VPS35L: variants seen among roughly 807,000 people sequenced by gnomAD.
VPS35L encodes the protein VPS35 endosomal protein sorting factor like.
Under a neutral mutation model 133.0 loss-of-function variants are expected in VPS35L, and 83 were observed. The ratio of observed to expected loss-of-function variants is 0.62; its 90% CI spans 0.52 to 0.75. VPS35L has a LOEUF of 0.75. Among genes scored for constraint, VPS35L ranks in the 30% least tolerant of loss-of-function variants. The pLI is 0.00. For synonymous variants in VPS35L, 423 were observed against 449.9 expected (o/e 0.94, Z 0.76); for missense variants, 1,083 against 1,206.8 (o/e 0.90, Z 1.52).
At chr16:19,675,605 A>C (rs929148343) in intron 27 of VPS35L, among the ~76,000 whole-genome samples, 6 of 152,126 alleles carry the variant, frequency 3.9e-5, no homozygotes, top group Non-Finnish European at 7.4e-5. Context: ...GCTGGAGTGC[A>C]GTATTGCAGT....
chr16:19,675,514 G>A (rs1311693707), intron 27 of VPS35L, among the ~76,000 whole-genome samples: 1 of 151,976 alleles, frequency 6.6e-6, no homozygotes, highest in Non-Finnish European at 1.5e-5. Flanking sequence ...GGGTCATGTG[G>A]TAGCTCTATT....
chr16:19,570,128 T>TG (rs1470372343), intron 3 of VPS35L, among the ~76,000 whole-genome samples: 1 of 152,150 alleles, frequency 6.6e-6, no homozygotes, highest in African/African-American at 2.4e-5. Context: ...TGGAGTGCAG[T>TG]GGTGCAATCT....
At position 19,699,452 on chromosome 16, in the gene VPS35L, G is replaced by A; in HGVS notation, c.2647-50G>A. 1 of 1,608,522 alleles carries A rather than the reference G, an allele frequency of 6.2e-7. No homozygotes were observed. The highest frequency in any genetic ancestry group is 1.1e-5 in the South Asian group (1 of 90,444). ...GCACTGTCCACAGCATCTCTGCGGG[G>A]CACGGCCTGAGCCCCAGTGCAAGGC... On this transcript the variant is annotated intron_variant, in intron 29 of 30. Coordinates refer to ENST00000417362, the MANE Select transcript of VPS35L (RefSeq NM_020314.7). The surrounding 1 kb of genome is among the most constrained non-coding windows in gnomAD (Gnocchi z 4.2).
Position 19,569,526 on chromosome 16 carries a change from G to T in VPS35L, c.220G>T (p.Asp74Tyr). The T allele has an allele frequency of 6.2e-7, 1 of 1,608,964 alleles. No homozygotes were observed. Among genetic ancestry groups the T allele is most frequent in the Non-Finnish European group, 8.5e-7 (1 of 1,177,760 alleles). The change falls in exon 3 of 31, where the codon GAT becomes TAT. Residue 74 changes from aspartate (D) to tyrosine (Y), a missense_variant. By Grantham distance (160) the Asp-to-Tyr change is radical. Transcript: ENST00000417362. Reference sequence around the variant, plus strand: ...GGTGGACCCGCTGAGCAGCGTCCTCGATGGGACTGACCCCCTCTCCATGTT... The same window carrying T: ...GGTGGACCCGCTGAGCAGCGTCCTCTATGGGACTGACCCCCTCTCCATGTT... ...SVVDPLSSVL[D>Y]GTDPLSMFAA...
Position 19,569,504 on chromosome 16 carries a change from G to A in VPS35L, c.198G>A (p.Val66=). Residue 66 remains valine (V), a synonymous_variant, in exon 3 of 31, where the codon GTG becomes GTA. Transcript: ENST00000417362. ...CCTCCTCCTCCTCCAGCTCCGTGGTGGACCCGCTGAGCAGCGTCCTCGATG... is the reference window on the plus strand; with the variant it reads ...CCTCCTCCTCCTCCAGCTCCGTGGTAGACCCGCTGAGCAGCGTCCTCGATG... ...STSSSSSSSV[V]DPLSSVLDGT... is the part of the protein sequence containing the mutation. 6.2e-7 allele frequency: 1 copy of A among 1,610,876 alleles called. No homozygotes were observed. The highest frequency in any genetic ancestry group is 8.5e-7 in the Non-Finnish European group (1 of 1,178,572).
At chr16:19,590,388 T>C (rs957287114) in intron 7 of VPS35L, among the ~76,000 whole-genome samples, 2 of 152,170 alleles carry the variant, frequency 1.3e-5, no homozygotes, top group Non-Finnish European at 2.9e-5. Context: ...TGAACATCTT[T>C]TTTTTAATTT....
At chr16:19,645,677 C>A (rs534380204) in intron 23 of VPS35L, among the ~76,000 whole-genome samples, 5 of 152,198 alleles carry the variant, frequency 3.3e-5, no homozygotes, top group Admixed American at 1.3e-4. Flanking sequence ...TCCATCCCCC[C>A]CAGCTCTGCA....
intron 28 of VPS35L, among the ~76,000 whole-genome samples, chr16:19,685,909 T>C (rs1225367838): frequency 1.3e-5 from 2 of 151,460 alleles, no homozygotes; most frequent in Non-Finnish European, 3.0e-5. Flanking sequence ...CTCTCCTTCC[T>C]CTCCCTCCTC....
rs1338140815 is a variant in VPS35L at position 19,629,815 on chromosome 16, T to G, written c.1549T>G (p.Phe517Val). 1.2e-6 allele frequency: 2 copies of G among 1,613,442 alleles called. No homozygotes were observed. The highest frequency in any genetic ancestry group is 1.7e-5 in the Admixed American group (1 of 59,996). Residue 517 changes from phenylalanine to valine, a missense_variant, in exon 18 of 31, where the codon TTC (phenylalanine) becomes GTC (valine). By Grantham distance (50) the Phe-to-Val change is conservative (BLOSUM62 -1). Transcript: ENST00000417362. ...EVWVEYTCKH[F>V]TKREVNTVLA... Reference sequence around the variant, plus strand: ...GTGGGTGGAATACACCTGCAAGCATTTCACGGTATGTGTGACTGTGGTATT... The same window carrying G: ...GTGGGTGGAATACACCTGCAAGCATGTCACGGTATGTGTGACTGTGGTATT...
Position 19,633,155 on chromosome 16 carries a change from GAA to G in VPS35L, c.1619_1620del (p.Glu540GlyfsTer11). 1 of 1,614,128 alleles carries G rather than the reference GAA, an allele frequency of 6.2e-7. No homozygotes were observed. Among genetic ancestry groups the G allele is most frequent in the South Asian group, 1.1e-5 (1 of 91,088 alleles). On this transcript the variant is annotated frameshift_variant, in exon 19 of 31. Transcript: ENST00000417362. LOFTEE classifies it high-confidence loss of function. This position sits in a 1 kb window ranked among gnomAD's most constrained non-coding sequence, Gnocchi z 4.1. ...GCACATGACTCCAGATCGTGCATTTGAAGATTCCTACCCCCAGGTAACAGATT... is the reference window on the plus strand; with the variant it reads ...GCACATGACTCCAGATCGTGCATTTGGATTCCTACCCCCAGGTAACAGATT... ...IKHMTPDRAF[E>X]DSYPQLQLII...
At chr16:19,611,476 C>T (rs1287024301) in intron 12 of VPS35L, among the ~76,000 whole-genome samples, 1 of 152,134 alleles carries the variant, frequency 6.6e-6, no homozygotes, top group African/African-American at 2.4e-5. Context: ...CAGTTAGAGC[C>T]TCCCCCATGA....
intron 12 of VPS35L, 63 bp downstream of exon 12, chr16:19,610,478 A>G (rs1972680523): frequency 7.6e-7 from 1 of 1,323,258 alleles, no homozygotes; most frequent in East Asian, 2.5e-5. Context: ...GAATGTTCAC[A>G]CAGGGCCCTC....
intron 1 of VPS35L, 25 bp downstream of exon 1, chr16:19,555,771 T>C (rs1020644876): frequency 1.3e-6 from 2 of 1,563,110 alleles, no homozygotes; most frequent in Non-Finnish European, 8.7e-7. Flanking sequence ...GCGGGTGGGC[T>C]TTGGAGAGGG....
At chr16:19,600,953 A>G (rs949905381) in intron 8 of VPS35L, among the ~76,000 whole-genome samples, 1 of 152,306 alleles carries the variant, frequency 6.6e-6, no homozygotes, top group East Asian at 1.9e-4. Context: ...TGTTTGAGAC[A>G]GGGTCTTGCT....
chr16:19,648,894 A>AAAAAAG (rs1567454310), intron 24 of VPS35L, among the ~76,000 whole-genome samples: 1 of 144,774 alleles, frequency 6.9e-6, no homozygotes. Flanking sequence ...AAAAAAAAAA[A>AAAAAAG]AAGTTAGGTT....
At chr16:19,587,185 G>C (rs1003467578) in intron 7 of VPS35L, among the ~76,000 whole-genome samples, 38 of 152,154 alleles carry the variant, frequency 2.5e-4, no homozygotes, top group African/African-American at 8.9e-4. Flanking sequence ...CAGCAAGGGG[G>C]AAGTCTGCCC....
chr16:19,631,262 A>C (rs1973447891), intron 18 of VPS35L, among the ~76,000 whole-genome samples: 1 of 152,184 alleles, frequency 6.6e-6, no homozygotes, highest in South Asian at 2.1e-4. Context: ...AAGTGCACGT[A>C]TCATAAGTTT....
intron 7 of VPS35L, among the ~76,000 whole-genome samples, chr16:19,591,166 G>A (rs1972031347): frequency 6.6e-6 from 1 of 152,072 alleles, no homozygotes; most frequent in South Asian, 2.1e-4. Flanking sequence ...ATCAGTGTGA[G>A]TTTATGAAGC....
intron 5 of VPS35L, chr16:19,578,282 T>C: frequency 2.2e-6 from 1 of 450,386 alleles, no homozygotes; most frequent in Non-Finnish European, 4.4e-6. Flanking sequence ...TTTCTTTCTT[T>C]TTTCTTTTTT....
Sources: allele counts gnomAD v4.1 joint callset (sites outside exome capture counted in the v4.1 genomes callset), GRCh38; gene constraint gnomAD v4.1.1; non-coding constraint Gnocchi (gnomAD v3.1); transcripts MANE v1.5; gene names NCBI Gene and HGNC (gene_info 2026-07-23, HGNC 2026-07-21).